Variants in TSHZ1 observed in about 807,000 individuals in gnomAD.
TSHZ1 encodes teashirt homolog 1.
Under a neutral mutation model 67.1 loss-of-function variants are expected in TSHZ1, and 12 were observed. That is an observed-to-expected ratio of 0.18 (90% CI 0.11 to 0.29). The LOEUF (loss-of-function observed/expected upper bound fraction) is 0.29. TSHZ1 is among the 10% of genes least tolerant of loss of function. The pLI is 1.00. For missense variants in TSHZ1, 1,305 were observed against 1,413.9 expected (o/e 0.92, Z 1.23); for synonymous variants, 632 against 622.4 (o/e 1.02, Z -0.23).
At chr18:75,280,937 C>G in intron 1 of TSHZ1, 1 of 538,102 alleles carries the variant, frequency 1.9e-6, no homozygotes, top group Non-Finnish European at 2.4e-6. Context: ...TCACACCAGG[C>G]AGAGAGTCGG....
chr18:75,288,061 G>C lies in TSHZ1; in HGVS notation c.2654G>C (p.Arg885Thr). 1 of 1,613,830 alleles carries C rather than the reference G, an allele frequency of 6.2e-7. No homozygotes were observed. The highest frequency in any genetic ancestry group is 8.5e-7 in the Non-Finnish European group (1 of 1,180,032). ...GACGAGCTGTCACCGGTCCACAAGA[G>C]GAAGGGCCGGCAGTCCAACTGGAAC... ...ALDELSPVHK[R>T]KGRQSNWNPQ... Residue 885 changes from arginine to threonine, a missense_variant, in exon 2 of 2, where the codon AGG (arginine) becomes ACG (threonine). By Grantham distance (71) the Arg-to-Thr change is moderately conservative. This residue lies in a region of TSHZ1 where 909 missense variants were observed against 961.8 expected (regional missense o/e 0.95). Transcript: ENST00000580243. The surrounding 1 kb of genome is among the most constrained non-coding windows in gnomAD (Gnocchi z 4.9).
At position 75,288,591 on chromosome 18, in the gene TSHZ1, A is replaced by C; in HGVS notation, c.3184A>C (p.Lys1062Gln). 1 of 1,612,610 alleles carries C rather than the reference A, an allele frequency of 6.2e-7. No individual in the cohort carries two copies. Among genetic ancestry groups the C allele is most frequent in the Non-Finnish European group, 8.5e-7 (1 of 1,179,374 alleles). ...ACTGCACCTTAGTAAGACCCACGGC[A>C]AGTCTCCCGAGGACCACCTGATCTA... is the stretch of plus-strand genomic sequence containing the variant. Reference protein sequence around the residue: ...VKLHLSKTHGKSPEDHLIYVT... With the variant: ...VKLHLSKTHGQSPEDHLIYVT... The change falls in exon 2 of 2, where the codon AAG (lysine) becomes CAG (glutamine). Residue 1062 changes from lysine to glutamine, a missense_variant. By Grantham distance (53) the Lys-to-Gln change is moderately conservative. Around this residue, in one of 3 missense-constraint regions of TSHZ1, gnomAD observed 909 missense variants for 961.8 expected, o/e 0.95. Coordinates refer to ENST00000580243, the MANE Select transcript of TSHZ1 (RefSeq NM_001308210.2). This position sits in a 1 kb window ranked among gnomAD's most constrained non-coding sequence, Gnocchi z 4.9.
chr18:75,247,446 A>G (rs2023237911), intron 1 of TSHZ1, among the ~76,000 whole-genome samples: 1 of 152,208 alleles, frequency 6.6e-6, no homozygotes, highest in Non-Finnish European at 1.5e-5. Flanking sequence ...AACCCACAAA[A>G]TGTAATGGCC....
chr18:75,278,206 C>T (rs1000769545), intron 1 of TSHZ1, among the ~76,000 whole-genome samples: 1 of 146,496 alleles, frequency 6.8e-6, no homozygotes, highest in African/African-American at 2.6e-5. Flanking sequence ...CCCCTGCACA[C>T]ATCCAGGGTG....
chr18:75,225,533 C>T (rs1035744657), intron 1 of TSHZ1, among the ~76,000 whole-genome samples: 1 of 152,192 alleles, frequency 6.6e-6, no homozygotes, highest in Admixed American at 6.5e-5. Flanking sequence ...AGAAGTCCCC[C>T]ACAGCCTCAG....
At chr18:75,249,248 C>G (rs1290858713) in intron 1 of TSHZ1, among the ~76,000 whole-genome samples, 3 of 152,278 alleles carry the variant, frequency 2.0e-5, no homozygotes, top group Middle Eastern at 6.8e-3. Flanking sequence ...GGTGGAGACC[C>G]CGGAGCCACA....
At chr18:75,212,678 C>A (rs576181651) in intron 1 of TSHZ1, among the ~76,000 whole-genome samples, 1 of 152,220 alleles carries the variant, frequency 6.6e-6, no homozygotes, top group Non-Finnish European at 1.5e-5. Context: ...CCTGACAGCT[C>A]CGCCACTATC....
Position 75,289,805 on chromosome 18 carries a change from T to C in TSHZ1, c.*1164T>C, listed in dbSNP as rs1269946496. 1 of 167,032 alleles carries C rather than the reference T, an allele frequency of 6.0e-6. No homozygotes were observed. The highest frequency in any genetic ancestry group is 2.4e-5 in the African/African-American group (1 of 41,418). The allele number at this position is 167,032 out of a possible 1,614,324, so 10.3% of individuals were successfully genotyped here. A position where few individuals can be genotyped will look rare whatever the true frequency, so the allele number is the denominator to read the frequency against. ...GGACTGTCAGACAAAAATAAATACA[T>C]AAAAACAAAGCAAGCAATGCACTAT... On this transcript the variant is annotated 3_prime_UTR_variant, in exon 2 of 2. Coordinates refer to ENST00000580243, the MANE Select transcript of TSHZ1 (RefSeq NM_001308210.2).
At chr18:75,235,059 C>T (rs1281965083) in intron 1 of TSHZ1, among the ~76,000 whole-genome samples, 2 of 152,050 alleles carry the variant, frequency 1.3e-5, no homozygotes, top group South Asian at 2.1e-4. Context: ...GCTTGTGAGC[C>T]GTCAGCGTGT....
intron 1 of TSHZ1, among the ~76,000 whole-genome samples, chr18:75,258,348 A>G (rs1259570080): frequency 2.0e-5 from 3 of 152,222 alleles, no homozygotes; most frequent in African/African-American, 7.2e-5. Flanking sequence ...GCTCCCATAT[A>G]TACTTGTTTC....
At chr18:75,271,981 T>C (rs181567321) in intron 1 of TSHZ1, among the ~76,000 whole-genome samples, 38 of 152,358 alleles carry the variant, frequency 2.5e-4, no homozygotes, top group African/African-American at 8.4e-4. Flanking sequence ...AAGTCAGTTA[T>C]GTGGCGTGAT....
At chr18:75,237,982 T>G (rs550395839) in intron 1 of TSHZ1, among the ~76,000 whole-genome samples, 40 of 152,028 alleles carry the variant, frequency 2.6e-4, no homozygotes, top group African/African-American at 9.4e-4. Flanking sequence ...CCGGCTAATT[T>G]TGTATTTTTA....
intron 1 of TSHZ1, among the ~76,000 whole-genome samples, chr18:75,243,826 A>G (rs1038191129): frequency 3.9e-5 from 6 of 152,112 alleles, no homozygotes; most frequent in African/African-American, 1.2e-4. Flanking sequence ...GAACTTGGAT[A>G]GTTTTGCCTT....
chr18:75,256,866 G>C (rs564668932), intron 1 of TSHZ1, among the ~76,000 whole-genome samples: 1 of 152,210 alleles, frequency 6.6e-6, no homozygotes. Flanking sequence ...GGATAGTTAG[G>C]TAGCTGGAGG....
chr18:75,283,631 A>G (rs1386342527), intron 1 of TSHZ1: 2 of 152,214 alleles, frequency 1.3e-5, no homozygotes, highest in Admixed American at 1.3e-4. Context: ...TCGTGTGCAG[A>G]AAAGGGCAGT....
intron 1 of TSHZ1, among the ~76,000 whole-genome samples, chr18:75,245,666 G>A (rs141391367): frequency 0.013 from 1,948 of 152,264 alleles, 17 homozygotes; most frequent in South Asian, 0.022. Context: ...CTTTGTCCCT[G>A]TAAAATTTGC....
chr18:75,212,291 A>C (rs1364370318), intron 1 of TSHZ1, among the ~76,000 whole-genome samples: 2 of 152,124 alleles, frequency 1.3e-5, no homozygotes, highest in Non-Finnish European at 2.9e-5. Context: ...AAAGGCGGGG[A>C]GGCTGAACCT....
intron 1 of TSHZ1, among the ~76,000 whole-genome samples, chr18:75,255,319 C>G (rs1019606978): frequency 6.6e-6 from 1 of 152,148 alleles, no homozygotes; most frequent in Admixed American, 6.5e-5. Context: ...TGGTATGCTG[C>G]TCTTCCATGC....
intron 1 of TSHZ1, among the ~76,000 whole-genome samples, chr18:75,261,270 A>T (rs184438535): frequency 6.6e-6 from 1 of 152,216 alleles, no homozygotes; most frequent in Non-Finnish European, 1.5e-5. Context: ...TAACTCTGCC[A>T]TAGAGACCTT....
Sources: allele counts gnomAD v4.1 joint callset (sites outside exome capture counted in the v4.1 genomes callset), GRCh38; gene constraint gnomAD v4.1.1; regional missense constraint gnomAD v4.1.1; non-coding constraint Gnocchi (gnomAD v3.1); transcripts MANE v1.5; gene names NCBI Gene and HGNC (gene_info 2026-07-23, HGNC 2026-07-21).